EPS15L1: variants seen among roughly 807,000 people sequenced by gnomAD.
EPS15L1 encodes epidermal growth factor receptor pathway substrate 15 like 1, also known as epidermal growth factor receptor substrate 15-like 1.
In EPS15L1, 43 loss-of-function variants were observed where a neutral mutation model predicts 117.1. The observed-to-expected ratio is 0.37, with a 90% confidence interval of 0.29 to 0.47. The LOEUF (loss-of-function observed/expected upper bound fraction) is 0.47, where lower values mean the gene tolerates loss of function less well. EPS15L1 is among the 20% of genes least tolerant of loss of function. The probability of loss-of-function intolerance (pLI) is 0.99; values close to 1 mark genes in which losing one functional copy is unlikely to be tolerated. For synonymous variants in EPS15L1, 459 were observed against 470.5 expected (o/e 0.98, Z 0.32); for missense variants, 981 against 1,164.0 (o/e 0.84, Z 2.29).
At chr19:16,415,761 G>A (rs2092752509) in intron 12 of EPS15L1, among the ~76,000 whole-genome samples, 1 of 152,220 alleles carries the variant, frequency 6.6e-6, no homozygotes, top group South Asian at 2.1e-4. Flanking sequence ...CTGGCTGTCT[G>A]AGGCCACACT....
At chr19:16,402,693 C>G (rs543430347) in intron 15 of EPS15L1, among the ~76,000 whole-genome samples, 2 of 143,960 alleles carry the variant, frequency 1.4e-5, no homozygotes, top group East Asian at 4.2e-4. Flanking sequence ...AGGTGCGTGT[C>G]ACCACCTATA....
Position 16,373,430 on chromosome 19 carries a change from G to C in EPS15L1, c.2380+3692C>G, listed in dbSNP as rs117863322. 3.3e-5 allele frequency among the ~76,000 whole-genome samples: 5 copies of C among 149,674 alleles called. No homozygotes were observed. In the East Asian group the frequency reaches 7.8e-4, roughly 23 times the overall value. On this transcript the variant is annotated intron_variant, in intron 22 of 23. Transcript: ENST00000455140. ...AAGGCTTTTTTTGGTTTGTTTGTTT[G>C]TTTTAAGAAAACATAAAGTCCAGCA...
rs115984017 is a variant in EPS15L1, at chr19:16,369,431, G to A, written c.2381-7447C>T. Among the ~76,000 whole-genome samples, 667 of 152,324 alleles carry A rather than the reference G, an allele frequency of 4.4e-3. 6 individuals carry two copies. The highest frequency in any genetic ancestry group is 0.015 in the African/African-American group (632 of 41,568). On this transcript the variant is annotated intron_variant, in intron 22 of 23. Transcript: ENST00000455140. ...TATTTACTACGAGCCACTGCTGGCC[G>A]CTGTGTTTTCCTGCCCTGTGAGGTG...
At chr19:16,397,579 T>C (rs1439231398) in intron 16 of EPS15L1, among the ~76,000 whole-genome samples, 1 of 152,094 alleles carries the variant, frequency 6.6e-6, no homozygotes, top group Non-Finnish European at 1.5e-5. Context: ...AGGTGGGCAT[T>C]TGGGAAAATG....
chr19:16,416,740 C>T (rs1224315108), intron 12 of EPS15L1, among the ~76,000 whole-genome samples: 1 of 151,970 alleles, frequency 6.6e-6, no homozygotes, highest in Admixed American at 6.6e-5. Flanking sequence ...ACAGATGCTA[C>T]AGTGAGCCAT....
At chr19:16,444,909 T>C (rs775001998) in intron 1 of EPS15L1, among the ~76,000 whole-genome samples, 9 of 152,166 alleles carry the variant, frequency 5.9e-5, no homozygotes, top group Non-Finnish European at 1.2e-4. Context: ...GTATTTTCAG[T>C]AGAAGCGAGG....
chr19:16,444,910 A>G (rs1243604962), intron 1 of EPS15L1, among the ~76,000 whole-genome samples: 2 of 152,092 alleles, frequency 1.3e-5, no homozygotes, highest in African/African-American at 2.4e-5. Context: ...TATTTTCAGT[A>G]GAAGCGAGGT....
intron 1 of EPS15L1, among the ~76,000 whole-genome samples, chr19:16,450,767 G>A (rs1021577120): frequency 3.3e-5 from 5 of 151,200 alleles, no homozygotes; most frequent in Non-Finnish European, 7.4e-5. Context: ...ACAGGCGTGA[G>A]CCACCACGCC....
At chr19:16,367,351 T>C (rs570628419) in intron 22 of EPS15L1, among the ~76,000 whole-genome samples, 4 of 151,832 alleles carry the variant, frequency 2.6e-5, no homozygotes, top group East Asian at 3.9e-4. Context: ...GGGCAAGGGA[T>C]ACAAGACTGA....
intron 1 of EPS15L1, among the ~76,000 whole-genome samples, chr19:16,467,512 A>C (rs1288467355): frequency 1.3e-5 from 2 of 151,392 alleles, no homozygotes; most frequent in Non-Finnish European, 2.9e-5. Flanking sequence ...GAATCTATTT[A>C]GTCGAAAAAA....
intron 23 of EPS15L1, chr19:16,358,027 T>A (rs1599512435): frequency 6.6e-6 from 1 of 151,960 alleles, no homozygotes; most frequent in East Asian, 1.9e-4. Context: ...GAGGACAGGG[T>A]GGGTGGGAGC....
chr19:16,373,366 C>A (rs2092251891), intron 22 of EPS15L1, among the ~76,000 whole-genome samples: 1 of 152,058 alleles, frequency 6.6e-6, no homozygotes, highest in African/African-American at 2.4e-5. Context: ...CGTGTGGTCT[C>A]CCTGAGCAGA....
chr19:16,470,111 G>A lies in EPS15L1; in HGVS notation c.33+1802C>T, dbSNP rs756498753. ...GAAGTCAGTGACCTGGCCAGGCGCA[G>A]TGGCTAACGCCTGTAATCCCAGCAC... On this transcript the variant is annotated intron_variant, in intron 1 of 23. Coordinates refer to ENST00000455140, the MANE Select transcript of EPS15L1 (RefSeq NM_001258374.3). Among the ~76,000 whole-genome samples, 3 of 152,228 alleles carry A rather than the reference G, an allele frequency of 2.0e-5. No homozygotes were observed. In the South Asian group the frequency reaches 6.2e-4, roughly 31 times the overall value.
chr19:16,356,646 T>C (rs566218242), intron 23 of EPS15L1: 1 of 152,186 alleles, frequency 6.6e-6, no homozygotes, highest in Non-Finnish European at 1.5e-5. Context: ...TGACAAAAGG[T>C]GTGGCACTTA....
At chr19:16,440,411 C>G (rs1294697078) in intron 4 of EPS15L1, among the ~76,000 whole-genome samples, 1 of 152,004 alleles carries the variant, frequency 6.6e-6, no homozygotes, top group African/African-American at 2.4e-5. Context: ...CCAGCCTGGG[C>G]AACAGAGTGA....
In EPS15L1 at chr19:16,369,057, C is replaced by T. The variant is rs796742552; in HGVS notation, c.2381-7073G>A. Among the ~76,000 whole-genome samples, 65 of 152,314 alleles carry T rather than the reference C, an allele frequency of 4.3e-4. 2 individuals are homozygous for T. Among genetic ancestry groups the T allele is most frequent in the African/African-American group, 1.5e-3 (64 of 41,566 alleles). ...ATAGGTTCTAAAATTCATCACTGCT[C>T]GGGGACTTGTCTTGAAAGAGTGCTT... On this transcript the variant is annotated intron_variant, in intron 22 of 23. Coordinates refer to ENST00000455140, the MANE Select transcript of EPS15L1 (RefSeq NM_001258374.3).
chr19:16,441,713 T>G, intron 3 of EPS15L1, 179 bp downstream of exon 3: 2 of 476,876 alleles, frequency 4.2e-6, no homozygotes, highest in Non-Finnish European at 7.5e-6. Context: ...AAAGTAGTGG[T>G]GGGGGCTGCC....
chr19:16,367,497 TAAAAAAAAAAAAAAAA>T (rs71178691), intron 22 of EPS15L1, among the ~76,000 whole-genome samples: 1 of 65,304 alleles, frequency 1.5e-5, no homozygotes. Context: ...TATGTGCTGT[TAAAAAAAAAAAAAAAA>T]AAAAAAAAAA....
rs10543332 is a variant in EPS15L1 at position 16,369,676 on chromosome 19, AGTGT to A, written c.2380+7442_2380+7445del. 5.3e-3 allele frequency among the ~76,000 whole-genome samples: 779 copies of A among 145,964 alleles called. 24 individuals carry two copies. The East Asian group carries it at 0.071, about 13-fold the overall frequency. ...CTGCACCAGCCCTGGAAGAAAAAAA[AGTGT>A]GTGTGTGTGTGTGTGTGTGTGTGTG... On this transcript the variant is annotated intron_variant, in intron 22 of 23. Transcript: ENST00000455140.
Sources: gnomAD v4.1 joint callset for allele counts (sites outside exome capture counted in the v4.1 genomes callset) on GRCh38, gnomAD v4.1.1 for gene constraint, MANE v1.5 for transcripts, NCBI Gene and HGNC (gene_info 2026-07-23, HGNC 2026-07-21) for gene names.